The following KLHL13 variants were observed in gnomAD, a reference collection of about 807,000 sequenced individuals.
The protein encoded by KLHL13 is kelch like family member 13.
In KLHL13, 10 loss-of-function variants were observed where a neutral mutation model predicts 37.1. That is an observed-to-expected ratio of 0.27 (90% CI 0.17 to 0.46). The LOEUF (loss-of-function observed/expected upper bound fraction) is 0.46, where lower values mean the gene tolerates loss of function less well. Ranked by LOEUF, KLHL13 falls within the 20% of genes least tolerant of loss-of-function variation. The probability of loss-of-function intolerance (pLI) is 1.00; values close to 1 mark genes in which losing one functional copy is unlikely to be tolerated. For missense variants in KLHL13, 360 were observed against 509.3 expected, an observed-to-expected ratio of 0.71 and a Z score of 2.82; for synonymous variants, 163 against 181.2, an observed-to-expected ratio of 0.90 and a Z score of 0.81.
intron 1 of KLHL13, among the ~76,000 whole-genome samples, chrX:118,088,465 C>T (rs970673277): frequency 3.6e-5 from 4 of 111,799 alleles, no homozygotes; most frequent in South Asian, 3.7e-4. Context: ...TTACCCTTAA[C>T]GCAAACAGGA....
intron 1 of KLHL13, among the ~76,000 whole-genome samples, chrX:118,024,760 T>G (rs572582258): frequency 8.0e-5 from 9 of 111,967 alleles, no homozygotes; most frequent in African/African-American, 2.9e-4. Flanking sequence ...TTCTCACTTA[T>G]TATTGGTGGG....
intron 1 of KLHL13, among the ~76,000 whole-genome samples, chrX:118,035,156 C>T (rs929495555): frequency 9.5e-6 from 1 of 105,501 alleles, no homozygotes; most frequent in East Asian, 2.8e-4. Context: ...CGGATTCTAC[C>T]AGAGGTACAA....
At chrX:118,097,550 G>A (rs1226628356) in intron 1 of KLHL13, among the ~76,000 whole-genome samples, 1 of 111,674 alleles carries the variant, frequency 9.0e-6, no homozygotes, top group Non-Finnish European at 1.9e-5. Context: ...AGCTACCAAT[G>A]ACTTTCTTCA....
At chrX:118,013,490 T>C (rs1394803110) in intron 1 of KLHL13, among the ~76,000 whole-genome samples, 1 of 111,965 alleles carries the variant, frequency 8.9e-6, no homozygotes, top group Non-Finnish European at 1.9e-5. Context: ...ACACTATTTA[T>C]TGAATAAGGA....
At chrX:117,965,050 A>G (rs5956827) in intron 1 of KLHL13, among the ~76,000 whole-genome samples, 7,053 of 111,788 alleles carry the variant, frequency 0.063, 544 homozygotes, top group African/African-American at 0.22. Flanking sequence ...ATAAACATAC[A>G]TGTGCATGTG....
rs140463099 is a variant in KLHL13, at chrX:118,075,147, T to A, written c.-56+41361A>T. ...ACATATATGGGTTAACTAGGCAAAG[T>A]GGGGAACGGAGTGGGCATTCCAGGC... On this transcript the variant is annotated intron_variant, in intron 1 of 6. Transcript: ENST00000371882. 1.5e-4 allele frequency among the ~76,000 whole-genome samples: 17 copies of A among 111,390 alleles called. No individual in the cohort carries two copies. The East Asian group carries it at 4.5e-3, about 30-fold the overall frequency.
chrX:118,025,238 C>T (rs1480981746), intron 1 of KLHL13, among the ~76,000 whole-genome samples: 1 of 111,788 alleles, frequency 8.9e-6, no homozygotes, highest in Non-Finnish European at 1.9e-5. Context: ...GTAGTCCCTG[C>T]TTATGCATGG....
At chrX:118,030,846 T>C (rs1168638827) in intron 1 of KLHL13, among the ~76,000 whole-genome samples, 1 of 111,897 alleles carries the variant, frequency 8.9e-6, no homozygotes, top group African/African-American at 3.2e-5. Flanking sequence ...CTGTGAGAAA[T>C]AAATTTCTGC....
intron 1 of KLHL13, among the ~76,000 whole-genome samples, chrX:117,959,087 T>TAAA (rs36059732): frequency 0.058 from 6,344 of 109,697 alleles, 464 homozygotes; most frequent in African/African-American, 0.2. Flanking sequence ...GCACATCATT[T>TAAA]AAAAAAAACA....
intron 1 of KLHL13, among the ~76,000 whole-genome samples, chrX:117,965,769 T>C (rs1015595430): frequency 7.2e-5 from 8 of 111,737 alleles, no homozygotes; most frequent in African/African-American, 2.6e-4. Context: ...TCAATAAACA[T>C]AATCCAGCAT....
At chrX:118,109,059 T>G (rs1020907576) in intron 1 of KLHL13, among the ~76,000 whole-genome samples, 10 of 112,123 alleles carry the variant, frequency 8.9e-5, no homozygotes, top group Non-Finnish European at 1.7e-4. Flanking sequence ...CAAGCAATGC[T>G]CCCGCCTAGG....
chrX:117,952,448 A>T (rs1440559504), intron 1 of KLHL13, among the ~76,000 whole-genome samples: 6 of 107,686 alleles, frequency 5.6e-5, no homozygotes, highest in Non-Finnish European at 1.2e-4. Flanking sequence ...AACCATAAAA[A>T]CCCTAGAAGA....
In KLHL13 at chrX:118,048,563, T is replaced by C. The variant is rs752473621; in HGVS notation, c.-56+67945A>G. Among the ~76,000 whole-genome samples, 3 of 111,714 alleles carry C rather than the reference T, an allele frequency of 2.7e-5. No individual in the cohort carries two copies. The South Asian group carries it at 1.1e-3, about 42-fold the overall frequency. On this transcript the variant is annotated intron_variant, in intron 1 of 6. Coordinates refer to the KLHL13 transcript ENST00000371882. ...TACATGGGCAACTGTTATATTGTAC[T>C]TTTCTGCATGTTTGGAATTTTCTAA...
At chrX:117,957,391 A>C (rs771047770) in intron 1 of KLHL13, among the ~76,000 whole-genome samples, 1 of 111,932 alleles carries the variant, frequency 8.9e-6, no homozygotes, top group African/African-American at 3.2e-5. Context: ...CTCCTTAACT[A>C]ATTGCACAGT....
intron 4 of KLHL13, among the ~76,000 whole-genome samples, chrX:117,917,374 C>T (rs1458337224): frequency 9.2e-6 from 1 of 108,412 alleles, no homozygotes; most frequent in Non-Finnish European, 1.9e-5. Flanking sequence ...GAAGCCTCTT[C>T]TCCATTAGAA....
chrX:118,002,577 G>C (rs1189186079), intron 1 of KLHL13, among the ~76,000 whole-genome samples: 4 of 105,465 alleles, frequency 3.8e-5, no homozygotes, highest in Admixed American at 1.0e-4. Flanking sequence ...TGGGCAACAA[G>C]AGTGAAACTC....
chrX:118,090,216 G>A (rs1409998693), intron 1 of KLHL13, among the ~76,000 whole-genome samples: 1 of 110,794 alleles, frequency 9.0e-6, no homozygotes. Flanking sequence ...TACCATTCAG[G>A]ACATAGGCAT....
chrX:118,094,363 A>C (rs755303015), intron 1 of KLHL13, among the ~76,000 whole-genome samples: 1 of 111,635 alleles, frequency 9.0e-6, no homozygotes, highest in South Asian at 3.9e-4. Flanking sequence ...AGAAATGAAC[A>C]AAGCCTTCAA....
chrX:118,075,624 C>T (rs1411615598), intron 1 of KLHL13, among the ~76,000 whole-genome samples: 1 of 111,220 alleles, frequency 9.0e-6, no homozygotes, highest in Admixed American at 9.6e-5. Flanking sequence ...CCTGCCATTA[C>T]TTGGTGCAAG....
Sources: allele counts gnomAD v4.1 joint callset (sites outside exome capture counted in the v4.1 genomes callset), GRCh38; gene constraint gnomAD v4.1.1; transcripts MANE v1.5; gene names NCBI Gene and HGNC (gene_info 2026-07-23, HGNC 2026-07-21).